CBX3: variants seen among roughly 807,000 people sequenced by gnomAD.
CBX3 encodes chromobox 3.
CBX3 carries 5 observed loss-of-function variants against 22.6 expected under a neutral mutation model. The observed-to-expected ratio is 0.22, with a 90% CI of 0.12 to 0.47. CBX3 has a LOEUF of 0.47. Ranked by LOEUF, CBX3 falls within the 20% of genes least tolerant of loss-of-function variation. The pLI, the probability that CBX3 is intolerant of heterozygous loss-of-function variation, is 0.99. For missense variants in CBX3, 83 were observed against 208.1 expected (o/e 0.40, Z 3.70); for synonymous variants, 50 against 66.6 (o/e 0.75, Z 1.21).
Position 26,211,733 on chromosome 7 carries a change from A to G in CBX3, c.402A>G (p.Gly134=). ...ERIIGATDSS[G]ELMFLMKWKD... is the part of the protein sequence containing the mutation. ...TAATTGGTGCCACAGACAGCAGTGG[A>G]GAATTGATGTTTCTCATGAAATGGT... The change falls in exon 5 of 6, where the codon GGA becomes GGG. Residue 134 remains glycine, a synonymous_variant. Coordinates refer to ENST00000396386, the MANE Select transcript of CBX3 (RefSeq NM_016587.4). The G allele has an allele frequency of 6.2e-7, 1 of 1,607,790 alleles. No individual in the cohort carries two copies. The highest frequency in any genetic ancestry group is 8.5e-7 in the Non-Finnish European group (1 of 1,176,670).
intron 4 of CBX3, chr7:26,210,518 G>T (rs529507561): frequency 6.6e-6 from 1 of 152,142 alleles, no homozygotes; most frequent in East Asian, 1.9e-4. Context: ...CACCCAGGCA[G>T]TGTGACTCCA....
intron 2 of CBX3, among the ~76,000 whole-genome samples, chr7:26,204,635 T>C (rs1784633834): frequency 6.6e-6 from 1 of 152,218 alleles, no homozygotes; most frequent in African/African-American, 2.4e-5. Flanking sequence ...TTCTTACATA[T>C]CTGTCTGCAC....
At chr7:26,204,676 C>G (rs1784634692) in intron 2 of CBX3, among the ~76,000 whole-genome samples, 1 of 152,170 alleles carries the variant, frequency 6.6e-6, no homozygotes, top group African/African-American at 2.4e-5. Context: ...TTGAAATGTC[C>G]TTCTGTAGCC....
At chr7:26,209,469 C>G (rs1784757588) in intron 4 of CBX3, among the ~76,000 whole-genome samples, 1 of 152,052 alleles carries the variant, frequency 6.6e-6, no homozygotes, top group African/African-American at 2.4e-5. Context: ...ATTGGATTAT[C>G]GAAAGCCTTT....
chr7:26,202,049 G>A (rs111382546), intron 1 of CBX3: 4,405 of 151,772 alleles, frequency 0.029, 77 homozygotes, highest in Middle Eastern at 0.044. Context: ...CCTCGAGGGG[G>A]TAGGGAGCTG....
rs1452672833 is a variant in CBX3, at chr7:26,201,765, G to C, written c.-90G>C. ...TCCCCCTTCGGATGTGGCTTGAGCTGTAGGCGCGGAGGGCCGGAGACGCTG... is the reference window on the plus strand; with the variant it reads ...TCCCCCTTCGGATGTGGCTTGAGCTCTAGGCGCGGAGGGCCGGAGACGCTG... On this transcript the variant is annotated 5_prime_UTR_variant, in exon 1 of 6. Transcript: ENST00000396386. The C allele has an allele frequency of 7.6e-6, 2 of 264,292 alleles. No homozygotes were observed. The highest frequency in any genetic ancestry group is 1.5e-5 in the Non-Finnish European group (2 of 135,264). The allele number at this position is 264,292 out of a possible 1,614,324, so 16.4% of individuals were successfully genotyped here. A position where few individuals can be genotyped will look rare whatever the true frequency, so the allele number is the denominator to read the frequency against.
intron 4 of CBX3, among the ~76,000 whole-genome samples, chr7:26,211,119 T>G (rs1310282896): frequency 6.6e-6 from 1 of 152,088 alleles, no homozygotes; most frequent in Non-Finnish European, 1.5e-5. Flanking sequence ...GTTTCAATGT[T>G]TTAAGAAAGT....
intron 3 of CBX3, among the ~76,000 whole-genome samples, chr7:26,206,987 C>T (rs372721894): frequency 1.3e-5 from 2 of 152,246 alleles, no homozygotes; most frequent in South Asian, 2.1e-4. Flanking sequence ...TCCTTGTGTT[C>T]TTTGATATGG....
At chr7:26,206,301 T>G (rs1381147657) in intron 2 of CBX3, 67 bp from the exon 3 acceptor site, 17 of 1,052,062 alleles carry the variant, frequency 1.6e-5, no homozygotes, top group Non-Finnish European at 2.2e-5. Context: ...TATAAGCAAT[T>G]GAGCCTTGAA....
In CBX3 at chr7:26,206,526, G is replaced by T. The variant is rs778150747; in HGVS notation, c.167+16G>T. Reference sequence around the variant, plus strand: ...GATTTACAGAGTAAGAAACTTTAGTGCATCTTTACTATATGTTTAACTGCA... The same window carrying T: ...GATTTACAGAGTAAGAAACTTTAGTTCATCTTTACTATATGTTTAACTGCA... On this transcript the variant is annotated intron_variant, in intron 3 of 5. Coordinates refer to ENST00000396386, the MANE Select transcript of CBX3 (RefSeq NM_016587.4). 7.5e-6 allele frequency: 12 copies of T among 1,610,704 alleles called. No individual in the cohort carries two copies. Among genetic ancestry groups the T allele is most frequent in the Admixed American group, 1.7e-5 (1 of 59,494 alleles).
At chr7:26,207,265 T>G (rs1274102651) in intron 3 of CBX3, among the ~76,000 whole-genome samples, 1 of 152,244 alleles carries the variant, frequency 6.6e-6, no homozygotes, top group African/African-American at 2.4e-5. Context: ...TCACATTTAA[T>G]TCATAGCAGT....
At chr7:26,205,539 G>T (rs990447558) in intron 2 of CBX3, among the ~76,000 whole-genome samples, 20 of 152,058 alleles carry the variant, frequency 1.3e-4, no homozygotes, top group Admixed American at 9.8e-4. Context: ...CCTGCAGTTG[G>T]TATCAGGATT....
At chr7:26,202,304 A>C (rs565455800) in intron 1 of CBX3, 225 of 152,276 alleles carry the variant, frequency 1.5e-3, no homozygotes, top group Non-Finnish European at 1.8e-3. Flanking sequence ...GGTGTGGCGC[A>C]GTGCCCTTGA....
intron 3 of CBX3, among the ~76,000 whole-genome samples, chr7:26,207,235 TCTC>T (rs1784695645): frequency 6.6e-6 from 1 of 152,224 alleles, no homozygotes; most frequent in Admixed American, 6.5e-5. Flanking sequence ...CTATCTGTTA[TCTC>T]CTACTTCCCC....
chr7:26,213,029 T>C lies in CBX3; in HGVS notation c.*821T>C, dbSNP rs1446483121. ...AGCAAAATGTTGGAATCCCTGTTGC[T>C]ACATTGACTAAAAGGTCATGATGAA... On this transcript the variant is annotated 3_prime_UTR_variant, in exon 6 of 6. Transcript: ENST00000396386. The C allele has an allele frequency of 6.6e-6, 1 of 152,310 alleles. No individual in the cohort carries two copies. Among genetic ancestry groups the C allele is most frequent in the Non-Finnish European group, 1.5e-5 (1 of 68,054 alleles). 9.4% of individuals were successfully genotyped at this position (152,310 alleles called of 1,614,324 possible).
chr7:26,201,609 A>G (rs1784442211), upstream of CBX3: 1 of 148,444 alleles, frequency 6.7e-6, no homozygotes, highest in African/African-American at 2.5e-5. Flanking sequence ...TAGGGCCCCA[A>G]TTCCCAGCGG....
In CBX3 at chr7:26,208,571, T is replaced by C. The variant is rs762704799; in HGVS notation, c.330+16T>C. 1 of 1,510,580 alleles carries C rather than the reference T, an allele frequency of 6.6e-7. No individual in the cohort carries two copies. The highest frequency in any genetic ancestry group is 8.9e-7 in the Non-Finnish European group (1 of 1,117,466). 93.6% of individuals were successfully genotyped at this position (1,510,580 alleles called of 1,614,324 possible). ...AAGAGATGCTGTAAGTATAAAATAT[T>C]GCCCACCAGCTTGTCCTTTTGTAAA... On this transcript the variant is annotated intron_variant, in intron 4 of 5. Transcript: ENST00000396386.
At chr7:26,211,808 TA>T in intron 5 of CBX3, 52 bp downstream of exon 5, 1 of 1,315,252 alleles carries the variant, frequency 7.6e-7, no homozygotes, top group East Asian at 2.4e-5. Context: ...TTTTTTTTTT[TA>T]ATTTGTGAAA....
chr7:26,202,323 G>C (rs1784521299), intron 1 of CBX3: 1 of 152,276 alleles, frequency 6.6e-6, no homozygotes, highest in South Asian at 2.1e-4. Context: ...GAGCCCCCGT[G>C]CCGCGGCCTT....
Sources: gnomAD v4.1 joint callset for allele counts (sites outside exome capture counted in the v4.1 genomes callset) on GRCh38, gnomAD v4.1.1 for gene constraint, MANE v1.5 for transcripts, NCBI Gene and HGNC (gene_info 2026-07-23, HGNC 2026-07-21) for gene names.